Variants in FRY observed in about 807,000 individuals in gnomAD.
The protein encoded by FRY is protein furry homolog.
A neutral mutation model predicts 348.4 loss-of-function variants in FRY; 128 were observed. The observed-to-expected ratio is 0.37, with a 90% CI of 0.32 to 0.43. The LOEUF is 0.43. FRY is among the 20% of genes least tolerant of loss of function. The probability of loss-of-function intolerance (pLI) is 1.00; values close to 1 mark genes in which losing one functional copy is unlikely to be tolerated. For synonymous variants in FRY, 1,370 were observed against 1,374.7 expected (o/e 1.00, Z 0.08); for missense variants, 2,736 against 3,695.2 (o/e 0.74, Z 6.73).
chr13:32,183,820 T>C, intron 24 of FRY, among the ~76,000 whole-genome samples: 1 of 144,200 alleles, frequency 6.9e-6, no homozygotes, highest in Admixed American at 6.9e-5. Context: ...AGGCTTCTCA[T>C]ATAGTAGCAA....
intron 21 of FRY, 23 bp downstream of exon 21, chr13:32,178,459 T>G (rs1882501683): frequency 1.2e-6 from 2 of 1,613,330 alleles, no homozygotes; most frequent in African/African-American, 2.7e-5. Flanking sequence ...TGTGTTTTCC[T>G]CTGCCCTCTT....
In FRY at chr13:32,031,884, C is replaced by A. The variant is rs201626807; in HGVS notation, c.70+19C>A. The A allele has an allele frequency of 7.3e-7, 1 of 1,362,170 alleles. No homozygotes were observed. The highest frequency in any genetic ancestry group is 1.1e-6 in the Non-Finnish European group (1 of 952,142). The allele number at this position is 1,362,170 out of a possible 1,614,324, so 84.4% of individuals were successfully genotyped here. A position where few individuals can be genotyped will look rare whatever the true frequency, so the allele number is the denominator to read the frequency against. On this transcript the variant is annotated intron_variant, in intron 1 of 60. Coordinates refer to ENST00000542859, the MANE Select transcript of FRY (RefSeq NM_023037.3). ...AGTAATAGTGAGTAATAGAAAATAA[C>A]CTTTTTGTTTGTTTGTTTGCTGGAT... is the stretch of plus-strand genomic sequence containing the variant.
chr13:32,050,117 G>C lies in FRY; in HGVS notation c.70+18252G>C, dbSNP rs569661006. 3.9e-5 allele frequency among the ~76,000 whole-genome samples: 6 copies of C among 152,258 alleles called. No homozygotes were observed. In the South Asian group the frequency reaches 1.2e-3, roughly 32 times the overall value. On this transcript the variant is annotated intron_variant, in intron 1 of 60. Coordinates refer to ENST00000542859, the MANE Select transcript of FRY (RefSeq NM_023037.3). Reference sequence around the variant, plus strand: ...TATAGTTATTCCCAGGTCATAGATTGGCGGAGATTTTCTTTGGTTTTGTTT... The same window carrying C: ...TATAGTTATTCCCAGGTCATAGATTCGCGGAGATTTTCTTTGGTTTTGTTT...
chr13:32,252,027 A>G (rs978268082), intron 50 of FRY, 75 bp downstream of exon 50: 19 of 1,027,202 alleles, frequency 1.8e-5, no homozygotes, highest in Non-Finnish European at 2.8e-5. Flanking sequence ...GCCTTTGGTC[A>G]TATAATTTAG....
chr13:32,084,079 C>T (rs1593593780), intron 2 of FRY, among the ~76,000 whole-genome samples: 3 of 152,074 alleles, frequency 2.0e-5, no homozygotes, highest in South Asian at 2.1e-4. Flanking sequence ...CAAGCACTTA[C>T]TCCGTGTGAG....
chr13:32,106,951 A>T (rs908049339), intron 3 of FRY, among the ~76,000 whole-genome samples: 1 of 152,210 alleles, frequency 6.6e-6, no homozygotes, highest in African/African-American at 2.4e-5. Flanking sequence ...ATACATATAT[A>T]TTTAGAAGCT....
chr13:32,292,025 C>G (rs780209383), intron 59 of FRY: 4 of 451,630 alleles, frequency 8.9e-6, no homozygotes, highest in South Asian at 4.7e-5. Flanking sequence ...CTCTGTTGCC[C>G]AGGCTGGAGT....
intron 51 of FRY, among the ~76,000 whole-genome samples, chr13:32,257,648 C>A (rs537398000): frequency 1.4e-4 from 22 of 151,974 alleles, no homozygotes; most frequent in African/African-American, 5.1e-4. Flanking sequence ...TTAGGCATTC[C>A]AAAAAAGTGT....
chr13:32,088,999 A>G (rs942257380), intron 2 of FRY, among the ~76,000 whole-genome samples: 1 of 152,232 alleles, frequency 6.6e-6, no homozygotes, highest in Admixed American at 6.5e-5. Flanking sequence ...AGAAAATACC[A>G]ATAAAAATAC....
At chr13:32,141,882 A>T (rs998294603) in intron 11 of FRY, among the ~76,000 whole-genome samples, 2 of 152,210 alleles carry the variant, frequency 1.3e-5, no homozygotes, top group Non-Finnish European at 2.9e-5. Flanking sequence ...TCCAGGGAAG[A>T]TCTACTCTGA....
At chr13:32,143,037 A>G (rs1468883431) in intron 11 of FRY, among the ~76,000 whole-genome samples, 1 of 152,178 alleles carries the variant, frequency 6.6e-6, no homozygotes, top group Non-Finnish European at 1.5e-5. Context: ...AAGGCATTCC[A>G]GGCATGCAGG....
intron 7 of FRY, among the ~76,000 whole-genome samples, chr13:32,127,586 G>A (rs1198775381): frequency 6.6e-6 from 1 of 152,060 alleles, no homozygotes; most frequent in Non-Finnish European, 1.5e-5. Flanking sequence ...GACCATCCTG[G>A]CTAACACGTT....
chr13:32,262,532 C>A, intron 53 of FRY, 57 bp downstream of exon 53: 1 of 1,298,076 alleles, frequency 7.7e-7, no homozygotes, highest in Non-Finnish European at 1.1e-6. Flanking sequence ...TAAAAAAAAA[C>A]ACTTCCAATT....
intron 10 of FRY, among the ~76,000 whole-genome samples, chr13:32,135,618 C>T (rs1273656309): frequency 6.6e-6 from 1 of 152,052 alleles, no homozygotes; most frequent in African/African-American, 2.4e-5. Context: ...AGACAGTTGC[C>T]CATAGGAAGG....
rs532930271 is a variant in FRY, at chr13:32,186,906, C to A, written c.3480+486C>A. The stretch of plus-strand genomic sequence containing the variant: ...ATACAGAACATAAGTTGCTGACTCT[C>A]AGATTACCTTTGCCTCGGTGGAACT... On this transcript the variant is annotated intron_variant, in intron 27 of 60. Transcript: ENST00000542859. Among the ~76,000 whole-genome samples the A allele has an allele frequency of 3.1e-4, 47 of 152,168 alleles. 1 individual carries two copies. Among genetic ancestry groups the A allele is most frequent in the African/African-American group, 1.0e-3 (43 of 41,456 alleles).
chr13:32,226,695 G>A (rs1388722928), intron 39 of FRY, among the ~76,000 whole-genome samples: 2 of 152,144 alleles, frequency 1.3e-5, no homozygotes, highest in East Asian at 3.9e-4. Context: ...GGCGCCAGCT[G>A]TGGTGCGACA....
chr13:32,202,402 A>G lies in FRY; in HGVS notation c.3893A>G (p.Gln1298Arg). Residue 1298 changes from glutamine (Q) to arginine (R), a missense_variant, in exon 31 of 61, where the codon CAA (glutamine) becomes CGA (arginine). By Grantham distance (43) the Gln-to-Arg change is conservative. Transcript: ENST00000542859. ...GTATACTCAAAGAAAGTCGCTGAGC[A>G]AAGACCGGGAAGTATTCTCTATGGA... ...LFVYSKKVAE[Q>R]RPGSILYGTH... 1 of 1,614,148 alleles carries G rather than the reference A, an allele frequency of 6.2e-7. No homozygotes were observed. The highest frequency in any genetic ancestry group is 2.2e-5 in the East Asian group (1 of 44,882).
chr13:32,036,140 A>G (rs1566039440), intron 1 of FRY, among the ~76,000 whole-genome samples: 2 of 152,354 alleles, frequency 1.3e-5, no homozygotes, highest in East Asian at 1.9e-4. Context: ...GAAAATCTCA[A>G]AATTAATTTC....
chr13:32,124,082 C>T (rs1044887575), intron 4 of FRY, among the ~76,000 whole-genome samples: 1 of 152,166 alleles, frequency 6.6e-6, no homozygotes, highest in African/African-American at 2.4e-5. Flanking sequence ...AGGTAATCTG[C>T]CCGCCTCGGC....
Sources: allele counts gnomAD v4.1 joint callset (sites outside exome capture counted in the v4.1 genomes callset), GRCh38; gene constraint gnomAD v4.1.1; transcripts MANE v1.5; gene names NCBI Gene and HGNC (gene_info 2026-07-23, HGNC 2026-07-21).